NAA16: variants seen among roughly 807,000 people sequenced by gnomAD.
The protein encoded by NAA16 is N-alpha-acetyltransferase 16, NatA auxiliary subunit, also known as NARG1-like protein.
In NAA16, 97 loss-of-function variants were observed where a neutral mutation model predicts 110.3. The observed-to-expected ratio is 0.88, with a 90% CI of 0.75 to 1.04. NAA16 has a LOEUF of 1.04. Ranked by LOEUF, NAA16 falls within the 50% of genes least tolerant of loss-of-function variation. The pLI is 0.00. For synonymous variants in NAA16, 372 were observed against 330.6 expected (o/e 1.13, Z -1.36); for missense variants, 1,017 against 1,005.1 (o/e 1.01, Z -0.16).
At chr13:41,347,478 G>A (rs2042717614) in intron 9 of NAA16, among the ~76,000 whole-genome samples, 3 of 151,936 alleles carry the variant, frequency 2.0e-5, no homozygotes, top group African/African-American at 4.8e-5. Context: ...GTCAATCTTC[G>A]AACATGGGAT....
intron 18 of NAA16, 185 bp downstream of exon 18, chr13:41,373,965 CA>C (rs1371132011): frequency 2.1e-6 from 2 of 933,530 alleles, no homozygotes; most frequent in Non-Finnish European, 2.8e-6. Context: ...GATGTAATAC[CA>C]GATTTAAAGT....
At chr13:41,311,612 C>G (rs777631217) in intron 1 of NAA16, 30 bp downstream of exon 1, 4 of 1,591,580 alleles carry the variant, frequency 2.5e-6, no homozygotes, top group Non-Finnish European at 3.4e-6. Context: ...GCTGCCGCCC[C>G]CCGGTCCCCG....
At chr13:41,372,641 T>A in intron 16 of NAA16, 91 bp from the exon 17 acceptor site, 3 of 1,357,348 alleles carry the variant, frequency 2.2e-6, no homozygotes, top group Non-Finnish European at 2.9e-6. Flanking sequence ...AAGGTAGCAT[T>A]TTGTTGTTGA....
chr13:41,372,187 T>C lies in NAA16; in HGVS notation c.1948-16T>C, dbSNP rs1168119219. ...CTGATGTTTTTTAAATAATTTTCCT[T>C]TCTGTTTCAAAATAGGTAGAAAATC... On this transcript the variant is annotated splice_polypyrimidine_tract_variant and intron_variant, in intron 15 of 19. Transcript: ENST00000379406. 2.0e-6 allele frequency: 3 copies of C among 1,502,200 alleles called. No individual in the cohort carries two copies. The highest frequency in any genetic ancestry group is 2.4e-5 in the East Asian group (1 of 42,172). 93.1% of individuals were successfully genotyped at this position (1,502,200 alleles called of 1,614,324 possible). A position where few individuals can be genotyped will look rare whatever the true frequency, so the allele number is the denominator to read the frequency against.
intron 1 of NAA16, among the ~76,000 whole-genome samples, chr13:41,314,202 AAC>A (rs1186980663): frequency 1.3e-5 from 2 of 152,198 alleles, no homozygotes; most frequent in African/African-American, 4.8e-5. Flanking sequence ...GGAAAAAAAT[AAC>A]AGTGTCTGGA....
intron 6 of NAA16, among the ~76,000 whole-genome samples, chr13:41,328,270 T>TA (rs887378270): frequency 6.6e-6 from 1 of 152,132 alleles, no homozygotes; most frequent in South Asian, 2.1e-4. Context: ...TTCACTGAGT[T>TA]AAACTTCTCC....
intron 2 of NAA16, 42 bp downstream of exon 2, chr13:41,316,972 C>G (rs764650981): frequency 7.4e-7 from 1 of 1,345,856 alleles, no homozygotes; most frequent in South Asian, 1.2e-5. Flanking sequence ...AAATCAAATT[C>G]TAAAACCAGG....
rs1351224822 is a variant in NAA16 at position 41,373,708 on chromosome 13, A to G, written c.2227A>G (p.Lys743Glu). The G allele has an allele frequency of 2.5e-6, 4 of 1,611,208 alleles. No homozygotes were observed. The highest frequency in any genetic ancestry group is 1.3e-5 in the African/African-American group (1 of 74,680). ...TCAAGAAATGCAGAAAATATTTGTCAAAAAGGATTTGGAAAGTTTTAATGA... is the reference window on the plus strand; with the variant it reads ...TCAAGAAATGCAGAAAATATTTGTCGAAAAGGATTTGGAAAGTTTTAATGA... The part of the protein sequence containing the change: ...LSQEMQKIFV[K>E]KDLESFNEDF... Residue 743 changes from lysine (K) to glutamate (E), a missense_variant, in exon 18 of 20, where the codon AAA becomes GAA. Transcript: ENST00000379406.
intron 9 of NAA16, among the ~76,000 whole-genome samples, chr13:41,339,883 ATAGG>A (rs925531669): frequency 4.3e-4 from 65 of 152,280 alleles, no homozygotes; most frequent in African/African-American, 1.4e-3. Context: ...TTTTAAAAAC[ATAGG>A]TAGGTATTTG....
At chr13:41,370,014 C>T (rs1053715253) in intron 15 of NAA16, among the ~76,000 whole-genome samples, 2 of 152,126 alleles carry the variant, frequency 1.3e-5, no homozygotes, top group Non-Finnish European at 2.9e-5. Flanking sequence ...ATATGTCTTA[C>T]TAGAAATGTT....
rs757602854 is a variant in NAA16, at chr13:41,362,059, A to G, written c.1439A>G (p.Asn480Ser). Residue 480 changes from asparagine (N) to serine (S), a missense_variant, in exon 13 of 20, where the codon AAT becomes AGT. Coordinates refer to ENST00000379406, the MANE Select transcript of NAA16 (RefSeq NM_024561.5). ...REGTSAMENLNEMQCMWFQTE... is the reference protein window; with the variant it reads ...REGTSAMENLSEMQCMWFQTE... ...GGAACATCTGCCATGGAAAATCTAAATGAAATGCAGTGTATGTGGTTTCAG... is the reference window on the plus strand; with the variant it reads ...GGAACATCTGCCATGGAAAATCTAAGTGAAATGCAGTGTATGTGGTTTCAG... The G allele has an allele frequency of 9.9e-6, 16 of 1,612,030 alleles. No homozygotes were observed. Among genetic ancestry groups the G allele is most frequent in the Admixed American group, 3.4e-5 (2 of 59,624 alleles).
rs374746822 is a variant in NAA16, at chr13:41,318,927, G to A, written c.244+17G>A. The A allele has an allele frequency of 4.8e-5, 70 of 1,443,654 alleles. No homozygotes were observed. The highest frequency in any genetic ancestry group is 1.1e-4 in the Admixed American group (5 of 44,168). The allele number at this position is 1,443,654 out of a possible 1,614,324, so 89.4% of individuals were successfully genotyped here. A position where few individuals can be genotyped will look rare whatever the true frequency, so the allele number is the denominator to read the frequency against. On this transcript the variant is annotated intron_variant, in intron 3 of 19. Transcript: ENST00000379406. Reference sequence around the variant, plus strand: ...GTCATGTCTGTATCCTTTTGCAGTAGTTAAATAGTTTATGTTTTAGCTAGT... The same window carrying A: ...GTCATGTCTGTATCCTTTTGCAGTAATTAAATAGTTTATGTTTTAGCTAGT...
rs961646986 is a variant in NAA16 at position 41,329,022 on chromosome 13, A to C, written c.811+179A>C. ...ATTCAAATAGTTACACTTAAGTGTAAGTGATTGCAGATATGTTAGGTTCCT... is the reference window on the plus strand; with the variant it reads ...ATTCAAATAGTTACACTTAAGTGTACGTGATTGCAGATATGTTAGGTTCCT... On this transcript the variant is annotated intron_variant, in intron 7 of 19. Transcript: ENST00000379406. Among the ~76,000 whole-genome samples the C allele has an allele frequency of 4.6e-5, 7 of 152,138 alleles. 1 individual carries two copies. Among genetic ancestry groups the C allele is most frequent in the Middle Eastern group, 3.4e-3 (1 of 294 alleles).
At chr13:41,325,651 G>A (rs1213606071) in intron 5 of NAA16, 47 bp from the exon 6 acceptor site, 1 of 1,344,740 alleles carries the variant, frequency 7.4e-7, no homozygotes, top group African/African-American at 1.5e-5. Flanking sequence ...GTCTGTAACT[G>A]CTTTATATAA....
intron 17 of NAA16, chr13:41,373,212 A>G (rs1196512096): frequency 1.2e-6 from 1 of 848,748 alleles, no homozygotes; most frequent in Non-Finnish European, 1.4e-6. Context: ...TAATAATTAT[A>G]CTATGTAAAA....
chr13:41,349,331 A>G (rs1371750266), intron 9 of NAA16, among the ~76,000 whole-genome samples: 2 of 151,990 alleles, frequency 1.3e-5, no homozygotes, highest in Admixed American at 6.6e-5. Context: ...GACTACAGGC[A>G]TGTACCACCA....
intron 9 of NAA16, among the ~76,000 whole-genome samples, chr13:41,339,674 C>T (rs1417597151): frequency 6.6e-6 from 1 of 152,158 alleles, no homozygotes; most frequent in African/African-American, 2.4e-5. Flanking sequence ...TCTCCTGCCT[C>T]AGTCTCCCAA....
At chr13:41,346,775 A>G (rs1420646922) in intron 9 of NAA16, among the ~76,000 whole-genome samples, 1 of 152,118 alleles carries the variant, frequency 6.6e-6, no homozygotes. Context: ...GTTATCTTTA[A>G]GAATTGGCTA....
At chr13:41,322,272 A>C (rs945077846) in intron 4 of NAA16, among the ~76,000 whole-genome samples, 1 of 152,164 alleles carries the variant, frequency 6.6e-6, no homozygotes, top group Non-Finnish European at 1.5e-5. Flanking sequence ...AAGTACAGAC[A>C]CTGGTGGTCA....
Sources: gnomAD v4.1 joint callset for allele counts (sites outside exome capture counted in the v4.1 genomes callset) on GRCh38, gnomAD v4.1.1 for gene constraint, MANE v1.5 for transcripts, NCBI Gene and HGNC (gene_info 2026-07-23, HGNC 2026-07-21) for gene names.